The following FER1L6 variants were observed in gnomAD, a reference collection of about 807,000 sequenced individuals.
FER1L6 encodes fer-1 like family member 6.
In FER1L6, 177 loss-of-function variants were observed where a neutral mutation model predicts 219.2. The ratio of observed to expected loss-of-function variants is 0.81; its 90% confidence interval spans 0.71 to 0.91. The LOEUF is 0.91. Ranked by LOEUF, FER1L6 falls within the 40% of genes least tolerant of loss-of-function variation. The probability of loss-of-function intolerance (pLI) is 0.00; values close to 1 mark genes in which losing one functional copy is unlikely to be tolerated. For synonymous variants in FER1L6, 768 were observed against 824.3 expected, an observed-to-expected ratio of 0.93 and a Z score of 1.17; for missense variants, 2,153 against 2,259.9, an observed-to-expected ratio of 0.95 and a Z score of 0.96.
chr8:124,057,416 A>G (rs1015431204), intron 22 of FER1L6, among the ~76,000 whole-genome samples: 2 of 151,894 alleles, frequency 1.3e-5, no homozygotes, highest in Non-Finnish European at 2.9e-5. Context: ...TTTGGTTTTT[A>G]GCAGTTTTAC....
intron 33 of FER1L6, among the ~76,000 whole-genome samples, chr8:124,085,675 AG>A (rs1771520557): frequency 6.6e-6 from 1 of 152,192 alleles, no homozygotes; most frequent in Non-Finnish European, 1.5e-5. Context: ...CCATGTGCTA[AG>A]GAGAAGAATG....
intron 1 of FER1L6, among the ~76,000 whole-genome samples, chr8:123,859,063 C>T (rs1816698493): frequency 6.6e-6 from 1 of 151,852 alleles, no homozygotes. Context: ...TGCAGTGGCA[C>T]ATCTGGGCTC....
chr8:123,909,201 A>G (rs1348598003), intron 1 of FER1L6, among the ~76,000 whole-genome samples: 3 of 152,118 alleles, frequency 2.0e-5, no homozygotes, highest in African/African-American at 7.2e-5. Flanking sequence ...TTACAGAAAG[A>G]TGAAGAGGGA....
intron 2 of FER1L6, 126 bp downstream of exon 2, chr8:123,956,200 C>T (rs1317124521): frequency 1.2e-6 from 1 of 839,644 alleles, no homozygotes; most frequent in Non-Finnish European, 1.9e-6. Context: ...TGCCCCCGAC[C>T]CTTTAGGTCC....
intron 3 of FER1L6, among the ~76,000 whole-genome samples, chr8:123,963,723 G>T (rs1165712627): frequency 6.6e-6 from 1 of 152,200 alleles, no homozygotes; most frequent in Non-Finnish European, 1.5e-5. Flanking sequence ...TCATCAAGGT[G>T]CTCATTATCT....
At chr8:124,002,101 G>C (rs1190126969) in intron 12 of FER1L6, among the ~76,000 whole-genome samples, 2 of 152,180 alleles carry the variant, frequency 1.3e-5, no homozygotes, top group African/African-American at 4.8e-5. Flanking sequence ...TGTGGGCTGG[G>C]CTTTTATATC....
chr8:124,061,744 G>A lies in FER1L6; in HGVS notation c.3148-108G>A. 7 of 1,076,384 alleles carry A rather than the reference G, an allele frequency of 6.5e-6. No homozygotes were observed. In the South Asian group the frequency reaches 1.0e-4, roughly 16 times the overall value. The allele number at this position is 1,076,384 out of a possible 1,614,324, so 66.7% of individuals were successfully genotyped here. On this transcript the variant is annotated intron_variant, in intron 24 of 40. Transcript: ENST00000522917. ...GGCAATCTGCAGGACTGGCCAGGAG[G>A]GACAGAATGGCAAGGCAGAGACAAG...
At chr8:123,903,772 C>T (rs1243817579) in intron 1 of FER1L6, among the ~76,000 whole-genome samples, 1 of 152,144 alleles carries the variant, frequency 6.6e-6, no homozygotes, top group African/African-American at 2.4e-5. Context: ...AGCCATGTGC[C>T]ACTGCTGGGA....
chr8:124,103,133 C>A lies in FER1L6; in HGVS notation c.5126-13C>A. On this transcript the variant is annotated splice_polypyrimidine_tract_variant and intron_variant, in intron 38 of 40. Coordinates refer to ENST00000522917, the MANE Select transcript of FER1L6 (RefSeq NM_001039112.2). ...AAAATGCTTCCCTAACTGTTAGGGT[C>A]ATCTCTCCACAGGCACCCTGGAAAT... 1 of 1,611,744 alleles carries A rather than the reference C, an allele frequency of 6.2e-7. No individual in the cohort carries two copies. The highest frequency in any genetic ancestry group is 1.1e-5 in the South Asian group (1 of 90,536).
At chr8:124,116,932 T>C (rs753157059) in intron 39 of FER1L6, among the ~76,000 whole-genome samples, 20 of 152,224 alleles carry the variant, frequency 1.3e-4, no homozygotes, top group Non-Finnish European at 5.9e-5. Context: ...TAGAGCCAGA[T>C]AGCCCTAGAA....
At chr8:124,008,015 C>T (rs111522628) in intron 13 of FER1L6, among the ~76,000 whole-genome samples, 3,883 of 152,216 alleles carry the variant, frequency 0.026, 108 homozygotes, top group East Asian at 0.11. Flanking sequence ...TTAGTAGTGA[C>T]TTGTGAGATT....
rs888832619 is a variant in FER1L6 at position 124,082,113 on chromosome 8, ATTGT to A, written c.4221-170_4221-167del. 1.1e-4 allele frequency among the ~76,000 whole-genome samples: 17 copies of A among 152,282 alleles called. 1 individual carries two copies. Among genetic ancestry groups the A allele is most frequent in the Admixed American group, 1.0e-3 (16 of 15,306 alleles). The stretch of plus-strand genomic sequence containing the variant: ...TTTGAAATTGATAACAGAGTTGAAA[ATTGT>A]TTGTACTGCAATGAAAAATTAAACC... On this transcript the variant is annotated intron_variant, in intron 32 of 40. Coordinates refer to ENST00000522917, the MANE Select transcript of FER1L6 (RefSeq NM_001039112.2).
At chr8:124,013,758 A>G (rs1435047348) in intron 15 of FER1L6, 1 of 328,236 alleles carries the variant, frequency 3.0e-6, no homozygotes, top group Non-Finnish European at 5.6e-6. Flanking sequence ...GCAAAGGAAG[A>G]CTTACTACAG....
At chr8:124,078,182 CAG>C (rs1491098144) in intron 32 of FER1L6, among the ~76,000 whole-genome samples, 36 of 151,564 alleles carry the variant, frequency 2.4e-4, no homozygotes, top group African/African-American at 8.1e-4. Flanking sequence ...GTGGAATGAA[CAG>C]ATGGATGGAT....
At chr8:123,961,172 G>A (rs1252176348) in intron 2 of FER1L6, among the ~76,000 whole-genome samples, 1 of 152,084 alleles carries the variant, frequency 6.6e-6, no homozygotes, top group African/African-American at 2.4e-5. Context: ...GAGGTGGGAG[G>A]ATCCTCGAGC....
chr8:124,061,888 A>G lies in FER1L6; in HGVS notation c.3184A>G (p.Ser1062Gly), dbSNP rs766238944. The change falls in exon 25 of 41, where the codon AGC becomes GGC. Residue 1062 changes from serine (S) to glycine (G), a missense_variant. Coordinates refer to ENST00000522917, the MANE Select transcript of FER1L6 (RefSeq NM_001039112.2). ...PENELLHPPL[S>G]ICVVDWRAFG... ...GAACGAGCTTCTGCACCCGCCACTGAGCATCTGCGTGGTGGACTGGAGAGC... is the reference window on the plus strand; with the variant it reads ...GAACGAGCTTCTGCACCCGCCACTGGGCATCTGCGTGGTGGACTGGAGAGC... The G allele has an allele frequency of 1.2e-6, 2 of 1,613,910 alleles. No homozygotes were observed. The highest frequency in any genetic ancestry group is 2.7e-5 in the African/African-American group (2 of 74,906).
intron 1 of FER1L6, among the ~76,000 whole-genome samples, chr8:123,889,071 T>C (rs184032882): frequency 2.6e-4 from 39 of 152,272 alleles, no homozygotes; most frequent in Non-Finnish European, 5.4e-4. Context: ...TTATGAGATA[T>C]CAGGGTTTGG....
intron 24 of FER1L6, chr8:124,060,914 T>C (rs1211409508): frequency 6.3e-6 from 3 of 477,418 alleles, no homozygotes; most frequent in Non-Finnish European, 1.1e-5. Context: ...TCAAAGCAGG[T>C]TGACAAACTT....
At chr8:124,105,623 AAAG>A (rs1469427904) in intron 39 of FER1L6, among the ~76,000 whole-genome samples, 1 of 152,230 alleles carries the variant, frequency 6.6e-6, no homozygotes, top group African/African-American at 2.4e-5. Context: ...CTGAGAGTTT[AAAG>A]AAGAAGCCAC....
Sources: allele counts gnomAD v4.1 joint callset (sites outside exome capture counted in the v4.1 genomes callset), GRCh38; gene constraint gnomAD v4.1.1; transcripts MANE v1.5; gene names NCBI Gene and HGNC (gene_info 2026-07-23, HGNC 2026-07-21).